The following NGEF variants were observed in gnomAD, a reference collection of about 807,000 sequenced individuals.
NGEF encodes the protein neuronal guanine nucleotide exchange factor.
A neutral mutation model predicts 80.9 loss-of-function variants in NGEF; 31 were observed. That is an observed-to-expected ratio of 0.38 (90% confidence interval 0.29 to 0.52). NGEF has a LOEUF of 0.52. NGEF is among the 20% of genes least tolerant of loss of function. NGEF has a pLI of 0.84. For missense variants in NGEF, 709 were observed against 926.2 expected (o/e 0.77, Z 3.04); for synonymous variants, 371 against 370.2 (o/e 1.00, Z -0.03).
intron 8 of NGEF, among the ~76,000 whole-genome samples, chr2:232,888,579 G>A (rs375884780): frequency 3.0e-4 from 46 of 152,278 alleles, no homozygotes; most frequent in African/African-American, 7.9e-4. Context: ...ACGCATGCAC[G>A]CACACACATA....
Position 232,990,099 on chromosome 2 carries a change from C to A in NGEF, c.-74-15135G>T, listed in dbSNP as rs1237555992. 2.0e-5 allele frequency among the ~76,000 whole-genome samples: 3 copies of A among 152,176 alleles called. No individual in the cohort carries two copies. In the East Asian group the frequency reaches 5.8e-4, roughly 29 times the overall value. On this transcript the variant is annotated intron_variant, in intron 1 of 14. Coordinates refer to ENST00000264051, the MANE Select transcript of NGEF (RefSeq NM_019850.3). ...ATGAGACATAAAACAAATAAGTTAT[C>A]AGGAAGAAAGCTAAAGTAATCATAA... is the stretch of plus-strand genomic sequence containing the variant.
rs563245979 is a variant in NGEF at position 232,901,465 on chromosome 2, C to T, written c.829-6549G>A. 1.5e-3 allele frequency: 1,479 copies of T among 983,128 alleles called. 3 individuals are homozygous for T. The highest frequency in any genetic ancestry group is 1.7e-3 in the Non-Finnish European group (1,417 of 827,962). The allele number at this position is 983,128 out of a possible 1,614,324, so 60.9% of individuals were successfully genotyped here. On this transcript the variant is annotated intron_variant, in intron 5 of 14. Transcript: ENST00000264051. ...TGGCTTCTCCCGACCCCTGTGTTAA[C>T]AAATCACTGCTGTCTCTGATGCTGT... is the stretch of plus-strand genomic sequence containing the variant.
intron 4 of NGEF, among the ~76,000 whole-genome samples, chr2:232,925,224 C>T (rs1693034962): frequency 6.6e-6 from 1 of 152,234 alleles, no homozygotes; most frequent in South Asian, 2.1e-4. Context: ...AGCTGCCATC[C>T]TTTCCTAACA....
At chr2:232,896,722 GCA>G (rs1382977368) in intron 5 of NGEF, among the ~76,000 whole-genome samples, 3 of 45,802 alleles carry the variant, frequency 6.5e-5, no homozygotes, top group Non-Finnish European at 1.2e-4. Context: ...AGGGGTGAGT[GCA>G]AAAGTAGGGG....
intron 3 of NGEF, among the ~76,000 whole-genome samples, chr2:232,944,387 G>T (rs1158967906): frequency 6.6e-6 from 1 of 152,114 alleles, no homozygotes; most frequent in Non-Finnish European, 1.5e-5. Flanking sequence ...CATTATTTTT[G>T]AAAGTAACAT....
chr2:232,884,572 C>T (rs749605883), intron 10 of NGEF, among the ~76,000 whole-genome samples: 6 of 152,206 alleles, frequency 3.9e-5, no homozygotes, highest in Non-Finnish European at 7.3e-5. Context: ...CTGTGGGATG[C>T]AGAATCAGAG....
intron 1 of NGEF, among the ~76,000 whole-genome samples, chr2:232,987,961 G>C (rs1233550036): frequency 6.6e-6 from 1 of 152,086 alleles, no homozygotes; most frequent in African/African-American, 2.4e-5. Flanking sequence ...ACCCAAGCTG[G>C]AGAAGGGATT....
In NGEF at chr2:232,889,316, C is replaced by T. The variant is rs529000136; in HGVS notation, c.1273-1209G>A. Among the ~76,000 whole-genome samples, 22 of 152,308 alleles carry T rather than the reference C, an allele frequency of 1.4e-4. No homozygotes were observed. In the South Asian group the frequency reaches 4.1e-3, roughly 29 times the overall value. Reference sequence around the variant, plus strand: ...GCAGTATGGGTTCCTTAGCCTGGCACGTGCTCTCCCACGCCAGCCTCCACT... The same window carrying T: ...GCAGTATGGGTTCCTTAGCCTGGCATGTGCTCTCCCACGCCAGCCTCCACT... On this transcript the variant is annotated intron_variant, in intron 8 of 14. Coordinates refer to ENST00000264051, the MANE Select transcript of NGEF (RefSeq NM_019850.3).
At chr2:232,883,847 G>A in intron 11 of NGEF, 134 bp downstream of exon 11, 1 of 944,660 alleles carries the variant, frequency 1.1e-6, no homozygotes, top group Non-Finnish European at 1.5e-6. Context: ...GGCCACAGCA[G>A]AACAGACCTT....
Position 232,974,735 on chromosome 2 carries a change from C to A in NGEF, c.156G>T (p.Glu52Asp). ...SQADQDIQDK[E>D]PHCHIPIKRN... ...TCTTAATTGGGATGTGGCAATGAGG[C>A]TCTTTGTCTTGGATATCCTGGTCAG... Residue 52 changes from glutamate to aspartate, a missense_variant, in exon 2 of 15, where the codon GAG (glutamate) becomes GAT (aspartate). Transcript: ENST00000264051. The A allele has an allele frequency of 3.1e-6, 5 of 1,614,216 alleles. No homozygotes were observed. Among genetic ancestry groups the A allele is most frequent in the Non-Finnish European group, 4.2e-6 (5 of 1,180,042 alleles).
intron 1 of NGEF, among the ~76,000 whole-genome samples, chr2:232,996,833 A>G (rs1021890615): frequency 1.1e-4 from 16 of 152,112 alleles, no homozygotes; most frequent in African/African-American, 3.9e-4. Context: ...TTTTTTTAAA[A>G]TTTTAGCAGG....
chr2:232,992,535 A>G (rs1694671918), intron 1 of NGEF, among the ~76,000 whole-genome samples: 1 of 151,776 alleles, frequency 6.6e-6, no homozygotes, highest in Non-Finnish European at 1.5e-5. Context: ...TCCAGCCTGG[A>G]TGAGACTGTC....
intron 3 of NGEF, among the ~76,000 whole-genome samples, chr2:232,949,744 G>C (rs1250257656): frequency 1.2e-5 from 1 of 82,920 alleles, no homozygotes; most frequent in South Asian, 4.6e-4. Context: ...CTCCCAAAGT[G>C]CTGGGATTCC....
At chr2:232,945,277 A>G (rs935856839) in intron 3 of NGEF, among the ~76,000 whole-genome samples, 1 of 152,114 alleles carries the variant, frequency 6.6e-6, no homozygotes, top group Non-Finnish European at 1.5e-5. Flanking sequence ...TAGGACTAAA[A>G]AAAAAAGAGG....
chr2:232,993,502 TTGTC>T (rs964133957), intron 1 of NGEF, among the ~76,000 whole-genome samples: 15 of 151,910 alleles, frequency 9.9e-5, no homozygotes, highest in South Asian at 2.1e-4. Flanking sequence ...CTTTGGAAAA[TTGTC>T]TGATAGTTTC....
intron 3 of NGEF, among the ~76,000 whole-genome samples, chr2:232,947,231 C>T (rs1253792307): frequency 2.6e-5 from 4 of 152,202 alleles, no homozygotes. Flanking sequence ...GCCAAGCTGA[C>T]ATGAATGCCT....
intron 5 of NGEF, among the ~76,000 whole-genome samples, chr2:232,895,876 G>A (rs766050174): frequency 5.3e-5 from 8 of 152,262 alleles, no homozygotes; most frequent in Non-Finnish European, 8.8e-5. Flanking sequence ...GCCTTTATTC[G>A]ATGTCATGAT....
intron 4 of NGEF, among the ~76,000 whole-genome samples, chr2:232,922,453 G>T (rs1261929703): frequency 6.6e-6 from 1 of 152,110 alleles, no homozygotes; most frequent in Non-Finnish European, 1.5e-5. Context: ...TTCCAACGAT[G>T]CAACCCAGCC....
intron 3 of NGEF, among the ~76,000 whole-genome samples, chr2:232,969,479 TCCTTCCTTCCTC>T (rs1381399856): frequency 0.022 from 2,309 of 106,596 alleles, 38 homozygotes; most frequent in African/African-American, 0.029. Context: ...CCTTCTTCCT[TCCTTCCTTCCTC>T]CCTCCCTCCC....
Sources: gnomAD v4.1 joint callset for allele counts (sites outside exome capture counted in the v4.1 genomes callset) on GRCh38, gnomAD v4.1.1 for gene constraint, MANE v1.5 for transcripts, NCBI Gene and HGNC (gene_info 2026-07-23, HGNC 2026-07-21) for gene names.